LCOR: variants seen among roughly 807,000 people sequenced by gnomAD.
LCOR encodes the protein ligand-dependent corepressor.
LCOR carries 14 observed loss-of-function variants against 64.4 expected under a neutral mutation model. The observed-to-expected ratio is 0.22, with a 90% CI of 0.14 to 0.34. The LOEUF is 0.34. Ranked by LOEUF, LCOR falls within the 10% of genes least tolerant of loss-of-function variation. The pLI, the probability that LCOR is intolerant of heterozygous loss-of-function variation, is 1.00. For missense variants in LCOR, 1,686 were observed against 1,765.3 expected (o/e 0.96, Z 0.80); for synonymous variants, 643 against 642.5 (o/e 1.00, Z -0.01).
chr10:96,922,926 T>C (rs1453477493), intron 4 of LCOR, among the ~76,000 whole-genome samples: 1 of 152,182 alleles, frequency 6.6e-6, no homozygotes, highest in Non-Finnish European at 1.5e-5. Context: ...TGTCAAACTT[T>C]TTGGTTTTCT....
intron 2 of LCOR, among the ~76,000 whole-genome samples, chr10:96,841,220 G>T (rs577869452): frequency 2.0e-5 from 3 of 152,276 alleles, no homozygotes; most frequent in African/African-American, 4.8e-5. Context: ...TGTCTCACAA[G>T]AATTTTTTAA....
chr10:96,985,780 T>A lies in LCOR; in HGVS notation c.*646T>A, dbSNP rs1848144297. On this transcript the variant is annotated 3_prime_UTR_variant, in exon 8 of 8. Transcript: ENST00000421806. The stretch of plus-strand genomic sequence containing the variant: ...CCCTCCTCTCACCTTTGATGTTTTG[T>A]CATTTGAGAGCATGTATTCTAAATT... 6.0e-6 allele frequency: 1 copy of A among 167,082 alleles called. No homozygotes were observed. Among genetic ancestry groups the A allele is most frequent in the Non-Finnish European group, 1.5e-5 (1 of 68,130 alleles). 10.3% of individuals were successfully genotyped at this position (167,082 alleles called of 1,614,324 possible).
At chr10:96,898,238 T>G (rs1846575694) in intron 2 of LCOR, among the ~76,000 whole-genome samples, 1 of 152,138 alleles carries the variant, frequency 6.6e-6, no homozygotes, top group Admixed American at 6.6e-5. Flanking sequence ...TGGGGATACC[T>G]TAGAATTAGA....
At chr10:96,884,488 T>G (rs1221986669) in intron 2 of LCOR, among the ~76,000 whole-genome samples, 1 of 152,166 alleles carries the variant, frequency 6.6e-6, no homozygotes, top group East Asian at 1.9e-4. Context: ...TTGCCAGTGT[T>G]TGGATATCCC....
intron 2 of LCOR, among the ~76,000 whole-genome samples, chr10:96,844,191 C>G (rs1845590100): frequency 6.9e-6 from 1 of 145,076 alleles, no homozygotes; most frequent in Admixed American, 7.0e-5. Context: ...ACTGTGTCAC[C>G]CAGGCTTGGA....
intron 2 of LCOR, among the ~76,000 whole-genome samples, chr10:96,882,812 A>T (rs758369407): frequency 7.2e-4 from 110 of 152,120 alleles, no homozygotes; most frequent in Admixed American, 2.0e-3. Flanking sequence ...AATTTTCCAT[A>T]GTTGGAATCC....
At chr10:96,856,752 C>T (rs567110373) in intron 2 of LCOR, among the ~76,000 whole-genome samples, 1 of 151,254 alleles carries the variant, frequency 6.6e-6, no homozygotes, top group Non-Finnish European at 1.5e-5. Flanking sequence ...GCTGGAATTA[C>T]AGGTGTGAGC....
chr10:96,881,001 T>G (rs1665308638), intron 2 of LCOR, among the ~76,000 whole-genome samples: 1 of 152,250 alleles, frequency 6.6e-6, no homozygotes, highest in South Asian at 2.1e-4. Context: ...CATTTGAACT[T>G]AATTCTCTCA....
At chr10:96,851,957 G>A (rs539973480) in intron 2 of LCOR, among the ~76,000 whole-genome samples, 3 of 152,136 alleles carry the variant, frequency 2.0e-5, no homozygotes, top group Non-Finnish European at 2.9e-5. Flanking sequence ...TAAGAATAAG[G>A]TTGCTTATTG....
At chr10:96,891,079 T>C (rs999491680) in intron 2 of LCOR, among the ~76,000 whole-genome samples, 1 of 152,150 alleles carries the variant, frequency 6.6e-6, no homozygotes, top group Non-Finnish European at 1.5e-5. Flanking sequence ...CCTTTTCTCT[T>C]TTTTTGGAAG....
intron 7 of LCOR, chr10:96,960,750 T>G (rs1310387020): frequency 6.6e-6 from 1 of 152,172 alleles, no homozygotes; most frequent in Admixed American, 6.5e-5. Context: ...TTAAGCTATC[T>G]AGGGATTTTT....
At chr10:96,920,592 A>G (rs150521177) in intron 4 of LCOR, among the ~76,000 whole-genome samples, 1,912 of 147,152 alleles carry the variant, frequency 0.013, 69 homozygotes, top group Admixed American at 0.078. Context: ...ATATGTGTAT[A>G]TATGTATGTA....
intron 4 of LCOR, among the ~76,000 whole-genome samples, chr10:96,927,255 C>T (rs1339903828): frequency 6.6e-6 from 1 of 151,872 alleles, no homozygotes. Flanking sequence ...TTTTTATTTC[C>T]CTGATACTGG....
At chr10:96,960,610 C>T (rs910483923) in intron 7 of LCOR, 2 of 152,026 alleles carry the variant, frequency 1.3e-5, no homozygotes. Flanking sequence ...AAATTTTGGC[C>T]TTCTTGAAGA....
intron 4 of LCOR, among the ~76,000 whole-genome samples, chr10:96,935,004 T>C (rs1245094890): frequency 1.3e-5 from 2 of 152,072 alleles, no homozygotes; most frequent in Non-Finnish European, 2.9e-5. Flanking sequence ...AAGAAAATGG[T>C]TTTTGAGTTA....
intron 2 of LCOR, among the ~76,000 whole-genome samples, chr10:96,845,819 A>G (rs1845620233): frequency 6.6e-6 from 1 of 152,046 alleles, no homozygotes; most frequent in Admixed American, 6.5e-5. Context: ...GTGAGCATCA[A>G]GAAGTCCATA....
chr10:96,952,189 G>A lies in LCOR; in HGVS notation c.325G>A (p.Gly109Arg), dbSNP rs956642826. 6 of 1,610,780 alleles carry A rather than the reference G, an allele frequency of 3.7e-6. No homozygotes were observed. The highest frequency in any genetic ancestry group is 1.3e-5 in the African/African-American group (1 of 74,844). Residue 109 changes from glycine (G) to arginine (R), a missense_variant, in exon 7 of 8, where the codon GGG (glycine) becomes AGG (arginine). Gly to Arg is a moderately radical substitution (Grantham distance 125, BLOSUM62 -2). Coordinates refer to ENST00000421806, the MANE Select transcript of LCOR (RefSeq NM_001346516.2). ...CTCTCCAGGCTGCTCCAGTACTCAAGGGAACGGGTAAGGGAGAATATTTGT... is the reference window on the plus strand; with the variant it reads ...CTCTCCAGGCTGCTCCAGTACTCAAAGGAACGGGTAAGGGAGAATATTTGT... Reference protein sequence around the residue: ...SHSPGCSSTQGNGENSTEAKA... With the variant: ...SHSPGCSSTQRNGENSTEAKA...
intron 2 of LCOR, among the ~76,000 whole-genome samples, chr10:96,900,587 A>C (rs1273387450): frequency 6.6e-6 from 1 of 152,122 alleles, no homozygotes; most frequent in Non-Finnish European, 1.5e-5. Context: ...AAATAGTATG[A>C]AAATGAAGAC....
At position 96,982,800 on chromosome 10, in the gene LCOR, A is replaced by C. The variant is rs760245724; in HGVS notation, c.2340A>C (p.Val780=). The change falls in exon 8 of 8, where the codon GTA becomes GTC. Residue 780 remains valine (V), a synonymous_variant. Coordinates refer to ENST00000421806, the MANE Select transcript of LCOR (RefSeq NM_001346516.2). ...IGKLEGEDGD[V]KCLSEKDTYD... is the part of the protein sequence containing the mutation. ...AATTAGAGGGAGAGGACGGTGATGT[A>C]AAATGCCTGTCAGAAAAAGACACGT... The C allele has an allele frequency of 6.2e-7, 1 of 1,614,124 alleles. No individual in the cohort carries two copies. Among genetic ancestry groups the C allele is most frequent in the South Asian group, 1.1e-5 (1 of 91,088 alleles).
Sources: allele counts gnomAD v4.1 joint callset (sites outside exome capture counted in the v4.1 genomes callset), GRCh38; gene constraint gnomAD v4.1.1; transcripts MANE v1.5; gene names NCBI Gene and HGNC (gene_info 2026-07-23, HGNC 2026-07-21).